TCF4: variants seen among roughly 807,000 people sequenced by gnomAD.
TCF4 encodes the protein SL3-3 enhancer factor 2.
In TCF4, 3 loss-of-function variants were observed where a neutral mutation model predicts 82.1. The ratio of observed to expected loss-of-function variants is 0.04; its 90% confidence interval spans 0.02 to 0.09. TCF4 has a LOEUF of 0.09. Ranked by LOEUF, TCF4 falls within the 10% of genes least tolerant of loss-of-function variation. The pLI, the probability that TCF4 is intolerant of heterozygous loss-of-function variation, is 1.00. For synonymous variants in TCF4, 276 were observed against 309.6 expected (o/e 0.89, Z 1.14); for missense variants, 518 against 852.7 (o/e 0.61, Z 4.89).
chr18:55,604,157 G>C (rs1456350735), intron 2 of TCF4, among the ~76,000 whole-genome samples: 6 of 152,058 alleles, frequency 3.9e-5, no homozygotes, highest in Non-Finnish European at 8.8e-5. Flanking sequence ...TTTTTTAAAA[G>C]CACTAGATAT....
chr18:55,321,705 C>G lies in TCF4; in HGVS notation c.549+28654G>C, dbSNP rs1602580383. On this transcript the variant is annotated intron_variant, in intron 8 of 19. Transcript: ENST00000354452. ...TTATAGTAGTACATCAAAGAGTTGC[C>G]GCCCATGCCCGGGATTGTGTATGCG... The G allele has an allele frequency of 2.6e-6, 4 of 1,536,102 alleles. No homozygotes were observed. The East Asian group carries it at 9.8e-5, about 38-fold the overall frequency.
chr18:55,377,755 A>G (rs905239987), intron 6 of TCF4, among the ~76,000 whole-genome samples: 1 of 152,218 alleles, frequency 6.6e-6, no homozygotes, highest in Non-Finnish European at 1.5e-5. Context: ...GAACATCTAC[A>G]AAAATAATCC....
chr18:55,346,969 A>T (rs2081308078), intron 8 of TCF4, among the ~76,000 whole-genome samples: 1 of 152,156 alleles, frequency 6.6e-6, no homozygotes, highest in African/African-American at 2.4e-5. Context: ...TCTGTGTATG[A>T]ATTCATGATT....
At chr18:55,370,864 G>A (rs1233880422) in intron 6 of TCF4, among the ~76,000 whole-genome samples, 1 of 152,196 alleles carries the variant, frequency 6.6e-6, no homozygotes, top group Non-Finnish European at 1.5e-5. Flanking sequence ...AGGAGAGGGA[G>A]AAGGAAGTGA....
chr18:55,554,913 T>C (rs962636261), intron 3 of TCF4, among the ~76,000 whole-genome samples: 1 of 152,244 alleles, frequency 6.6e-6, no homozygotes, highest in Non-Finnish European at 1.5e-5. Flanking sequence ...TGCCTATTAA[T>C]ACAAAAACAT....
chr18:55,266,710 G>A (rs764343711), intron 11 of TCF4: 1 of 151,874 alleles, frequency 6.6e-6, no homozygotes, highest in Non-Finnish European at 1.5e-5. Flanking sequence ...TCCTTCTTAT[G>A]GATTTCTCAA....
chr18:55,287,880 C>T (rs866279725), intron 8 of TCF4, among the ~76,000 whole-genome samples: 1 of 152,022 alleles, frequency 6.6e-6, no homozygotes, highest in Non-Finnish European at 1.5e-5. Flanking sequence ...TTTTTCAAAT[C>T]AAATTTCAAA....
At chr18:55,550,174 TTG>T (rs1427080787) in intron 3 of TCF4, 3 of 152,186 alleles carry the variant, frequency 2.0e-5, no homozygotes, top group African/African-American at 4.8e-5. Context: ...CCTTTCTAAT[TTG>T]TGTTTCTAAA....
intron 3 of TCF4, among the ~76,000 whole-genome samples, chr18:55,551,986 C>T (rs1009813604): frequency 7.2e-5 from 11 of 152,206 alleles, no homozygotes; most frequent in African/African-American, 2.4e-4. Flanking sequence ...TTTCAGTCAG[C>T]TCCCAGGAAG....
chr18:55,507,914 T>C (rs1031495527), intron 3 of TCF4, among the ~76,000 whole-genome samples: 2 of 152,100 alleles, frequency 1.3e-5, no homozygotes, highest in Non-Finnish European at 2.9e-5. Flanking sequence ...TTCACTCAAG[T>C]AAGGTGGAGA....
At chr18:55,503,640 G>A (rs72930799) in intron 3 of TCF4, among the ~76,000 whole-genome samples, 3,171 of 152,184 alleles carry the variant, frequency 0.021, 54 homozygotes, top group Non-Finnish European at 0.036. Context: ...CTCAAGAACC[G>A]CAATTTTCAG....
At chr18:55,379,427 C>G (rs1028837515) in intron 6 of TCF4, among the ~76,000 whole-genome samples, 2 of 152,108 alleles carry the variant, frequency 1.3e-5, no homozygotes, top group African/African-American at 4.8e-5. Context: ...AGAATTACAT[C>G]TCAGGGTAGC....
rs529091273 is a variant in TCF4 at position 55,306,661 on chromosome 18, A to T, written c.550-27005T>A. On this transcript the variant is annotated intron_variant, in intron 8 of 19. Coordinates refer to ENST00000354452, the MANE Select transcript of TCF4 (RefSeq NM_001083962.2). ...TGGTCTACAGAATTCAGAGAAGACCAGGAACTCCGTTTTCAAGGGTATTTG... is the reference window on the plus strand; with the variant it reads ...TGGTCTACAGAATTCAGAGAAGACCTGGAACTCCGTTTTCAAGGGTATTTG... Among the ~76,000 whole-genome samples the T allele has an allele frequency of 2.6e-5, 4 of 152,364 alleles. No homozygotes were observed. The South Asian group carries it at 8.3e-4, about 32-fold the overall frequency.
chr18:55,454,442 C>T (rs560166947), intron 5 of TCF4, among the ~76,000 whole-genome samples: 10 of 152,246 alleles, frequency 6.6e-5, no homozygotes, highest in South Asian at 4.1e-4. Flanking sequence ...CTGATTCACT[C>T]GACAGTCATT....
intron 5 of TCF4, among the ~76,000 whole-genome samples, chr18:55,442,820 T>C (rs148385358): frequency 9.2e-5 from 14 of 152,302 alleles, no homozygotes; most frequent in Middle Eastern, 3.4e-3. Context: ...TCCACAAACG[T>C]GCAAAGAACT....
intron 3 of TCF4, among the ~76,000 whole-genome samples, chr18:55,525,822 T>A (rs569090780): frequency 6.6e-6 from 1 of 152,204 alleles, no homozygotes; most frequent in Non-Finnish European, 1.5e-5. Flanking sequence ...TGGATATCCA[T>A]GTGGGCTTCT....
intron 5 of TCF4, among the ~76,000 whole-genome samples, chr18:55,407,727 G>A (rs2958175): frequency 0.25 from 38,335 of 151,460 alleles, 5,113 homozygotes; most frequent in East Asian, 0.48. Context: ...GAAGGAGCAG[G>A]AAAATTTGCT....
chr18:55,494,084 T>A (rs959479252), intron 3 of TCF4, among the ~76,000 whole-genome samples: 2 of 151,848 alleles, frequency 1.3e-5, no homozygotes, highest in African/African-American at 2.4e-5. Context: ...CTTAAATAAC[T>A]ACTCCAGTTG....
intron 1 of TCF4, among the ~76,000 whole-genome samples, chr18:55,635,274 C>G (rs1337051676): frequency 6.6e-6 from 1 of 152,028 alleles, no homozygotes; most frequent in Non-Finnish European, 1.5e-5. Context: ...TTTGGGAGGC[C>G]GAGATGGACA....
Sources: allele counts gnomAD v4.1 joint callset (sites outside exome capture counted in the v4.1 genomes callset), GRCh38; gene constraint gnomAD v4.1.1; transcripts MANE v1.5; gene names NCBI Gene and HGNC (gene_info 2026-07-23, HGNC 2026-07-21).